The following AHNAK variants were observed in gnomAD, a reference collection of about 807,000 sequenced individuals.
AHNAK encodes the protein neuroblast differentiation-associated protein AHNAK.
AHNAK carries 23 observed loss-of-function variants against 37.8 expected under a neutral mutation model. The observed-to-expected ratio is 0.61, with a 90% CI of 0.44 to 0.86. The LOEUF is 0.86. Ranked by LOEUF, AHNAK falls within the 40% of genes least tolerant of loss-of-function variation. The pLI, the probability that AHNAK is intolerant of heterozygous loss-of-function variation, is 0.00. For missense variants in AHNAK, 7,411 were observed against 7,319.4 expected, an observed-to-expected ratio of 1.01 and a Z score of -0.46; for synonymous variants, 2,481 against 2,636.3, an observed-to-expected ratio of 0.94 and a Z score of 1.80.
chr11:62,518,815 A>G lies in AHNAK; in HGVS notation c.15602T>C (p.Val5201Ala), dbSNP rs1369410846. 1 of 1,614,246 alleles carries G rather than the reference A, an allele frequency of 6.2e-7. No homozygotes were observed. The part of the protein sequence containing the change: ...APQVSIPDVN[V>A]NLKGPKIKGD... Reference sequence around the variant, plus strand: ...CTTTATCTTTGGTCCTTTCAAGTTTACATTCACATCAGGGATGGAGACTTG... The same window carrying G: ...CTTTATCTTTGGTCCTTTCAAGTTTGCATTCACATCAGGGATGGAGACTTG... Residue 5201 changes from valine to alanine, a missense_variant, in exon 5 of 5, where the codon GTA becomes GCA. Val to Ala is a moderately conservative substitution (Grantham distance 64). Coordinates refer to ENST00000378024, the MANE Select transcript of AHNAK (RefSeq NM_001620.3).
chr11:62,511,923 A>T (rs1319712785), downstream of AHNAK, among the ~76,000 whole-genome samples: 2 of 151,942 alleles, frequency 1.3e-5, no homozygotes, highest in African/African-American at 4.8e-5. Flanking sequence ...ATCTTGGTTC[A>T]CTGCAACCTC....
chr11:62,476,121 T>C (rs1020712891), intron 5 of AHNAK, among the ~76,000 whole-genome samples: 2 of 152,118 alleles, frequency 1.3e-5, no homozygotes, highest in African/African-American at 2.4e-5. Context: ...GAGCATACAG[T>C]GCAGTGGTGG....
chr11:62,493,987 TG>T (rs1939560385), intron 4 of AHNAK, among the ~76,000 whole-genome samples: 2 of 152,014 alleles, frequency 1.3e-5, no homozygotes, highest in Admixed American at 1.3e-4. Context: ...GTTTGTGGCT[TG>T]GATAGATGAA....
chr11:62,475,108 A>G (rs2134856574), intron 5 of AHNAK, among the ~76,000 whole-genome samples: 1 of 152,246 alleles, frequency 6.6e-6, no homozygotes, highest in Non-Finnish European at 1.5e-5. Context: ...TTCGAGACCA[A>G]CCTGACCAAC....
intron 5 of AHNAK, among the ~76,000 whole-genome samples, chr11:62,453,099 C>T (rs1051549358): frequency 6.6e-6 from 1 of 152,158 alleles, no homozygotes; most frequent in Non-Finnish European, 1.5e-5. Flanking sequence ...AAAACAAAGT[C>T]GTATGTCCCA....
intron 4 of AHNAK, among the ~76,000 whole-genome samples, chr11:62,492,266 A>G (rs905724990): frequency 6.6e-6 from 1 of 152,194 alleles, no homozygotes; most frequent in Admixed American, 6.5e-5. Context: ...CCCTCTGGGT[A>G]TCTTTTCTCC....
At chr11:62,534,215 G>A (rs954177522) in intron 4 of AHNAK, 141 bp from the exon 5 acceptor site, 16 of 770,082 alleles carry the variant, frequency 2.1e-5, no homozygotes, top group Non-Finnish European at 2.8e-5. Flanking sequence ...GCCTCCTGGG[G>A]CACAGCACAG....
chr11:62,440,430 C>T (rs1055246438), intron 5 of AHNAK, among the ~76,000 whole-genome samples: 2 of 152,084 alleles, frequency 1.3e-5, no homozygotes, highest in African/African-American at 2.4e-5. Flanking sequence ...CTCCCAGCCA[C>T]GAGCCCCATT....
chr11:62,479,167 C>CTTTTTTTTTTTTTTTTTTTTTCCT (rs33929407), intron 5 of AHNAK, among the ~76,000 whole-genome samples: 1 of 116,252 alleles, frequency 8.6e-6, no homozygotes, highest in Non-Finnish European at 1.7e-5. Flanking sequence ...TTTCTTTTTT[C>CTTTTTTTTTTTTTTTTTTTTTCCT]TTTTTTTTTT....
rs760472621 is a variant in AHNAK, at chr11:62,524,045, G to A, written c.10372C>T (p.Leu3458Phe). 6.2e-7 allele frequency: 1 copy of A among 1,614,036 alleles called. No individual in the cohort carries two copies. Among genetic ancestry groups the A allele is most frequent in the Non-Finnish European group, 8.5e-7 (1 of 1,179,992 alleles). The change falls in exon 5 of 5, where the codon CTT becomes TTT. Residue 3458 changes from leucine (L) to phenylalanine (F), a missense_variant. Transcript: ENST00000378024. The stretch of plus-strand genomic sequence containing the variant: ...TGAACATCCACATCAGGTGCATTAA[G>A]ATTGACTTCTGGTGCCTTAATATCC... The part of the protein sequence containing the change: ...KVDIKAPEVN[L>F]NAPDVDVHGP...
intron 5 of AHNAK, among the ~76,000 whole-genome samples, chr11:62,474,368 A>G (rs969660712): frequency 2.6e-5 from 4 of 152,078 alleles, no homozygotes; most frequent in African/African-American, 9.7e-5. Flanking sequence ...TATATTTAGT[A>G]GAGACGGGGT....
intron 5 of AHNAK, among the ~76,000 whole-genome samples, chr11:62,482,702 T>C (rs1055941351): frequency 6.6e-6 from 1 of 152,136 alleles, no homozygotes; most frequent in Non-Finnish European, 1.5e-5. Flanking sequence ...TCCCTCATAC[T>C]CTTTTCCCCA....
At chr11:62,452,877 T>C (rs778799799) in intron 5 of AHNAK, among the ~76,000 whole-genome samples, 1 of 152,022 alleles carries the variant, frequency 6.6e-6, no homozygotes, top group Admixed American at 6.6e-5. Flanking sequence ...ATTAAAAAAT[T>C]AGCCAGTCGT....
intron 4 of AHNAK, chr11:62,491,967 C>T: frequency 1.4e-6 from 1 of 702,586 alleles, no homozygotes; most frequent in East Asian, 2.7e-5. Flanking sequence ...CACACCCCAA[C>T]CCAGCCCAAG....
intron 4 of AHNAK, among the ~76,000 whole-genome samples, chr11:62,496,757 T>G (rs2134170763): frequency 6.6e-6 from 1 of 150,762 alleles, no homozygotes; most frequent in South Asian, 2.1e-4. Context: ...ATCGCATCAC[T>G]GCACTCCAGC....
At chr11:62,482,074 C>T (rs966352037) in intron 5 of AHNAK, among the ~76,000 whole-genome samples, 5 of 152,096 alleles carry the variant, frequency 3.3e-5, no homozygotes, top group Admixed American at 6.6e-5. Context: ...GTGGAGCTCT[C>T]CTTCAAGGCC....
intron 5 of AHNAK, among the ~76,000 whole-genome samples, chr11:62,454,961 CT>C (rs1938626531): frequency 7.1e-6 from 1 of 141,562 alleles, no homozygotes; most frequent in East Asian, 2.1e-4. Context: ...TGGAGTTTTG[CT>C]CTTTTGCCCA....
downstream of AHNAK, among the ~76,000 whole-genome samples, chr11:62,514,375 G>A (rs192191244): frequency 6.6e-4 from 100 of 152,274 alleles, no homozygotes; most frequent in East Asian, 5.8e-4. Context: ...GCAGCACCCC[G>A]GGGACAGCCC....
At chr11:62,514,299 A>G (rs370160934), downstream of AHNAK, among the ~76,000 whole-genome samples, 143 of 151,780 alleles carry the variant, frequency 9.4e-4, no homozygotes, top group African/African-American at 3.2e-3. Context: ...CCTGCCCCAC[A>G]CTCTTGGCTT....
Sources: allele counts gnomAD v4.1 joint callset (sites outside exome capture counted in the v4.1 genomes callset), GRCh38; gene constraint gnomAD v4.1.1; transcripts MANE v1.5; gene names NCBI Gene and HGNC (gene_info 2026-07-23, HGNC 2026-07-21).